DTNA: variants seen among roughly 807,000 people sequenced by gnomAD.
DTNA encodes dystrophin-related protein 3.
In DTNA, 43 loss-of-function variants were observed where a neutral mutation model predicts 100.7. The ratio of observed to expected loss-of-function variants is 0.43; its 90% CI spans 0.33 to 0.55. The LOEUF (loss-of-function observed/expected upper bound fraction) is 0.55. Among genes scored for constraint, DTNA ranks in the 20% least tolerant of loss-of-function variants. The pLI is 0.04. For synonymous variants in DTNA, 349 were observed against 347.9 expected (o/e 1.00, Z -0.04); for missense variants, 798 against 953.9 (o/e 0.84, Z 2.15).
intron 13 of DTNA, among the ~76,000 whole-genome samples, chr18:34,845,102 T>C (rs1370125215): frequency 1.3e-5 from 2 of 152,192 alleles, no homozygotes; most frequent in East Asian, 3.8e-4. Context: ...ATTTTAATGA[T>C]TTAGGGATTG....
At chr18:34,835,453 A>G (rs1053149902) in intron 11 of DTNA, among the ~76,000 whole-genome samples, 1 of 152,216 alleles carries the variant, frequency 6.6e-6, no homozygotes, top group Non-Finnish European at 1.5e-5. Context: ...TATATAGAAT[A>G]TGTCTCATTC....
At chr18:34,614,662 T>C (rs1469072906) in intron 1 of DTNA, among the ~76,000 whole-genome samples, 1 of 152,154 alleles carries the variant, frequency 6.6e-6, no homozygotes, top group Non-Finnish European at 1.5e-5. Flanking sequence ...GAAATAGAAT[T>C]AGAAGTAGAG....
In DTNA at chr18:34,888,895, C is replaced by T. The variant is rs572770635; in HGVS notation, c.*1161C>T. ...GAATGTTGATTGCCTTAGCTGGCCA[C>T]CTGGTGTTCTGCATGTAGCCTTCTG... On this transcript the variant is annotated 3_prime_UTR_variant, in exon 23 of 23. Transcript: ENST00000444659. 5 of 985,872 alleles carry T rather than the reference C, an allele frequency of 5.1e-6. No homozygotes were observed. Among genetic ancestry groups the T allele is most frequent in the Admixed American group, 6.1e-5 (1 of 16,288 alleles). 61.1% of individuals were successfully genotyped at this position (985,872 alleles called of 1,614,324 possible).
intron 15 of DTNA, among the ~76,000 whole-genome samples, chr18:34,855,989 G>A (rs919129825): frequency 3.3e-5 from 5 of 152,104 alleles, no homozygotes; most frequent in Non-Finnish European, 5.9e-5. Context: ...CACCATGAAG[G>A]CCCCAACAAC....
At chr18:34,640,332 T>A (rs1048601493) in intron 1 of DTNA, among the ~76,000 whole-genome samples, 3 of 152,164 alleles carry the variant, frequency 2.0e-5, no homozygotes, top group African/African-American at 7.2e-5. Context: ...AAGACAGGCA[T>A]CCATAGATTA....
intron 1 of DTNA, among the ~76,000 whole-genome samples, chr18:34,598,231 T>TA (rs1301456491): frequency 2.6e-5 from 4 of 151,604 alleles, no homozygotes; most frequent in Admixed American, 1.3e-4. Context: ...TTTTTTTTTT[T>TA]ACCAAATGTG....
rs138843517 is a variant in DTNA, at chr18:34,494,890, GT to G, written c.-2+1386del. 1.5e-3 allele frequency among the ~76,000 whole-genome samples: 231 copies of G among 149,094 alleles called. 2 individuals carry two copies. In the South Asian group the frequency reaches 0.032, roughly 21 times the overall value. On this transcript the variant is annotated intron_variant, in intron 1 of 19. Coordinates refer to the DTNA transcript ENST00000283365. Reference sequence around the variant, plus strand: ...TTACTGATTTCTTTAAAAAATAATGGTTTTTTTTTTCTTTTGCTTATTCCAA... The same window carrying G: ...TTACTGATTTCTTTAAAAAATAATGGTTTTTTTTTCTTTTGCTTATTCCAA...
At chr18:34,621,513 T>C (rs2056499107) in intron 1 of DTNA, among the ~76,000 whole-genome samples, 1 of 152,172 alleles carries the variant, frequency 6.6e-6, no homozygotes, top group Non-Finnish European at 1.5e-5. Flanking sequence ...AAGAAAATTC[T>C]GTCATATGTA....
intron 1 of DTNA, among the ~76,000 whole-genome samples, chr18:34,729,138 C>T (rs1362447685): frequency 6.6e-6 from 1 of 152,068 alleles, no homozygotes; most frequent in African/African-American, 2.4e-5. Context: ...AGGTATAATA[C>T]CAAATGTCTT....
At chr18:34,803,746 G>A (rs561922453) in intron 4 of DTNA, among the ~76,000 whole-genome samples, 1 of 152,260 alleles carries the variant, frequency 6.6e-6, no homozygotes, top group South Asian at 2.1e-4. Flanking sequence ...TGTAATGGGA[G>A]GACAGGAATG....
Position 34,888,145 on chromosome 18 carries a change from C to A in DTNA, c.*411C>A, listed in dbSNP as rs1480981755. The A allele has an allele frequency of 6.1e-6, 6 of 985,858 alleles. 1 individual carries two copies. The highest frequency in any genetic ancestry group is 5.2e-4 in the Middle Eastern group (1 of 1,914). 61.1% of individuals were successfully genotyped at this position (985,858 alleles called of 1,614,324 possible). A position where few individuals can be genotyped will look rare whatever the true frequency, so the allele number is the denominator to read the frequency against. On this transcript the variant is annotated 3_prime_UTR_variant, in exon 23 of 23. Transcript: ENST00000444659. ...TGGCAGTATTAACAAGCATTTTAAACCTTTGCACATGATATTGAACCTGTT... is the reference window on the plus strand; with the variant it reads ...TGGCAGTATTAACAAGCATTTTAAAACTTTGCACATGATATTGAACCTGTT...
At chr18:34,593,771 GT>G (rs1435062381) in intron 1 of DTNA, among the ~76,000 whole-genome samples, 1 of 152,082 alleles carries the variant, frequency 6.6e-6, no homozygotes, top group Non-Finnish European at 1.5e-5. Flanking sequence ...ATCCTTATTT[GT>G]TTTTCCCTCT....
chr18:34,875,489 A>G (rs2096806175), intron 18 of DTNA, 91 bp downstream of exon 18: 2 of 1,574,924 alleles, frequency 1.3e-6, no homozygotes, highest in Admixed American at 1.7e-5. Context: ...TCAGAACCAC[A>G]TGTGACTATT....
At chr18:34,647,254 G>A (rs1367786739) in intron 1 of DTNA, among the ~76,000 whole-genome samples, 4 of 152,116 alleles carry the variant, frequency 2.6e-5, no homozygotes, top group Non-Finnish European at 4.4e-5. Flanking sequence ...ATCCTGAAAT[G>A]TCTCCACCTA....
At chr18:34,565,668 G>A (rs1319432082) in intron 1 of DTNA, among the ~76,000 whole-genome samples, 1 of 152,112 alleles carries the variant, frequency 6.6e-6, no homozygotes, top group African/African-American at 2.4e-5. Flanking sequence ...CTTTCTTTGT[G>A]TCTCTCTGTC....
intron 1 of DTNA, among the ~76,000 whole-genome samples, chr18:34,601,836 T>C (rs1226552360): frequency 1.3e-5 from 2 of 152,230 alleles, no homozygotes; most frequent in Non-Finnish European, 2.9e-5. Context: ...CAGGGAGTCC[T>C]GCCCATAAAC....
At chr18:34,716,608 T>C (rs1269578692) in intron 1 of DTNA, among the ~76,000 whole-genome samples, 2 of 152,124 alleles carry the variant, frequency 1.3e-5, no homozygotes, top group Admixed American at 6.6e-5. Flanking sequence ...GTCATAGACA[T>C]GGCTATATGC....
At chr18:34,762,383 G>T (rs2093232721) in intron 2 of DTNA, among the ~76,000 whole-genome samples, 1 of 152,170 alleles carries the variant, frequency 6.6e-6, no homozygotes, top group Non-Finnish European at 1.5e-5. Context: ...CAACTAATGG[G>T]TCTATCAACT....
chr18:34,550,752 A>G (rs983934700), intron 1 of DTNA, among the ~76,000 whole-genome samples: 4 of 152,080 alleles, frequency 2.6e-5, no homozygotes, highest in Admixed American at 1.3e-4. Flanking sequence ...ACTTTTTTCT[A>G]TTACTTCTAA....
Sources: gnomAD v4.1 joint callset for allele counts (sites outside exome capture counted in the v4.1 genomes callset) on GRCh38, gnomAD v4.1.1 for gene constraint, MANE v1.5 for transcripts, NCBI Gene and HGNC (gene_info 2026-07-23, HGNC 2026-07-21) for gene names.